CA10: variants seen among roughly 807,000 people sequenced by gnomAD.
The protein encoded by CA10 is carbonic anhydrase 10 (inactive).
Under a neutral mutation model 44.2 loss-of-function variants are expected in CA10, and 14 were observed. The observed-to-expected ratio is 0.32, with a 90% CI of 0.21 to 0.50. The LOEUF (loss-of-function observed/expected upper bound fraction) is 0.50, where lower values mean the gene tolerates loss of function less well. Ranked by LOEUF, CA10 falls within the 20% of genes least tolerant of loss-of-function variation. The pLI is 0.99. For missense variants in CA10, 350 were observed against 409.7 expected (o/e 0.85, Z 1.26); for synonymous variants, 159 against 141.6 (o/e 1.12, Z -0.87).
intron 3 of CA10, among the ~76,000 whole-genome samples, chr17:51,760,796 T>C (rs1905196547): frequency 6.6e-6 from 1 of 152,230 alleles, no homozygotes. Context: ...TTAAATTTTC[T>C]AGTAGCCACA....
intron 3 of CA10, among the ~76,000 whole-genome samples, chr17:51,767,596 G>A (rs952547030): frequency 4.6e-5 from 7 of 152,216 alleles, no homozygotes; most frequent in South Asian, 2.1e-4. Context: ...CTAGGGGTGG[G>A]GGGACAGCTT....
In CA10 at chr17:52,158,250, C is replaced by T. The variant is rs766730022; in HGVS notation, c.-464G>A. 5.7e-5 allele frequency: 12 copies of T among 210,836 alleles called. No homozygotes were observed. Among genetic ancestry groups the T allele is most frequent in the Non-Finnish European group, 9.6e-5 (10 of 103,660 alleles). The allele number at this position is 210,836 out of a possible 1,614,324, so 13.1% of individuals were successfully genotyped here. A position where few individuals can be genotyped will look rare whatever the true frequency, so the allele number is the denominator to read the frequency against. ...GCTGCGCCGTGCAATTCCGGGCTCC[C>T]GGGAGCGCGTAGCTCGCTGGCTAAG... On this transcript the variant is annotated 5_prime_UTR_variant, in exon 1 of 9. Transcript: ENST00000451037.
intron 2 of CA10, among the ~76,000 whole-genome samples, chr17:51,932,202 C>T (rs1429056113): frequency 6.6e-6 from 1 of 152,054 alleles, no homozygotes; most frequent in Admixed American, 6.6e-5. Flanking sequence ...TGAGGGGAAG[C>T]CAATCCTGCC....
intron 1 of CA10, among the ~76,000 whole-genome samples, chr17:52,134,228 A>G (rs1447785650): frequency 3.3e-5 from 5 of 152,164 alleles, no homozygotes; most frequent in Non-Finnish European, 1.5e-5. Context: ...CTAAACCTCA[A>G]CTTCTTCAAG....
chr17:51,972,553 C>T (rs752035187), intron 2 of CA10, among the ~76,000 whole-genome samples: 1 of 151,934 alleles, frequency 6.6e-6, no homozygotes, highest in Non-Finnish European at 1.5e-5. Context: ...AGAGGAGGTC[C>T]ATCCATTAAA....
At position 51,677,485 on chromosome 17, in the gene CA10, T is replaced by C. The variant is rs140826481; in HGVS notation, c.466-23749A>G. ...CAGAAGCAGATGCTGCCATGCTTCC[T>C]GTACAGCCTGCAGAACCATGAACCA... On this transcript the variant is annotated intron_variant, in intron 4 of 8. Coordinates refer to ENST00000451037, the MANE Select transcript of CA10 (RefSeq NM_020178.5). Among the ~76,000 whole-genome samples the C allele has an allele frequency of 2.2e-3, 342 of 152,286 alleles. 9 individuals are homozygous for C. The highest frequency in any genetic ancestry group is 0.017 in the Admixed American group (263 of 15,298).
At chr17:51,640,206 G>A (rs1371494135) in intron 6 of CA10, among the ~76,000 whole-genome samples, 2 of 152,164 alleles carry the variant, frequency 1.3e-5, no homozygotes, top group African/African-American at 2.4e-5. Flanking sequence ...AGTAAACACT[G>A]CTCGAATGAA....
intron 6 of CA10, among the ~76,000 whole-genome samples, chr17:51,648,763 C>A (rs982002552): frequency 1.3e-5 from 2 of 152,160 alleles, no homozygotes; most frequent in African/African-American, 4.8e-5. Context: ...GAGACCCAGC[C>A]ACACACAGAG....
intron 3 of CA10, among the ~76,000 whole-genome samples, chr17:51,765,524 TG>T (rs1368708762): frequency 1.3e-5 from 2 of 152,184 alleles, no homozygotes; most frequent in Non-Finnish European, 2.9e-5. Flanking sequence ...AGATATCCCA[TG>T]GGGTTTGTGT....
intron 1 of CA10, among the ~76,000 whole-genome samples, chr17:52,126,885 C>T (rs1989131552): frequency 6.6e-6 from 1 of 152,138 alleles, no homozygotes; most frequent in South Asian, 2.1e-4. Context: ...TTCTATATTA[C>T]ATTTTGCTAA....
In CA10 at chr17:51,959,254, C is replaced by T. The variant is rs1332224467; in HGVS notation, c.137-28122G>A. ...GCAGAGAAACTGGAAAACTAGGTTCCTATTGTTCTCTCTCTCGCTCTCTCT... is the reference window on the plus strand; with the variant it reads ...GCAGAGAAACTGGAAAACTAGGTTCTTATTGTTCTCTCTCTCGCTCTCTCT... On this transcript the variant is annotated intron_variant, in intron 2 of 8. Coordinates refer to ENST00000451037, the MANE Select transcript of CA10 (RefSeq NM_020178.5). Among the ~76,000 whole-genome samples, 7 of 133,758 alleles carry T rather than the reference C, an allele frequency of 5.2e-5. 1 individual carries two copies. The highest frequency in any genetic ancestry group is 8.0e-5 in the Non-Finnish European group (5 of 62,262). The allele number at this position is 133,758 out of a possible 152,430, so 87.8% of individuals were successfully genotyped here. A position where few individuals can be genotyped will look rare whatever the true frequency, so the allele number is the denominator to read the frequency against.
chr17:51,818,548 A>G (rs1327588610), intron 3 of CA10, among the ~76,000 whole-genome samples: 1 of 152,180 alleles, frequency 6.6e-6, no homozygotes, highest in Non-Finnish European at 1.5e-5. Flanking sequence ...AGCTGAGACT[A>G]GAACTCTGAT....
intron 1 of CA10, among the ~76,000 whole-genome samples, chr17:52,126,386 T>C (rs957849380): frequency 6.6e-6 from 1 of 152,210 alleles, no homozygotes. Flanking sequence ...AGCCAACACA[T>C]GAATTTTAAA....
At chr17:52,109,979 G>A (rs1988755433) in intron 1 of CA10, among the ~76,000 whole-genome samples, 2 of 152,192 alleles carry the variant, frequency 1.3e-5, no homozygotes, top group Non-Finnish European at 2.9e-5. Flanking sequence ...TGCAACAGGT[G>A]TATGAGGAGC....
intron 1 of CA10, among the ~76,000 whole-genome samples, chr17:52,126,447 G>A (rs1989121906): frequency 6.6e-6 from 1 of 152,210 alleles, no homozygotes; most frequent in Admixed American, 6.5e-5. Context: ...ATGTCTGGCT[G>A]ACAGCCTCGG....
At chr17:51,985,159 A>T (rs1446461807) in intron 2 of CA10, among the ~76,000 whole-genome samples, 1 of 151,966 alleles carries the variant, frequency 6.6e-6, no homozygotes, top group African/African-American at 2.4e-5. Context: ...TCAAAAAAAT[A>T]ATCCACCATG....
intron 3 of CA10, among the ~76,000 whole-genome samples, chr17:51,783,461 C>T (rs1056925549): frequency 6.6e-6 from 1 of 152,130 alleles, no homozygotes; most frequent in Non-Finnish European, 1.5e-5. Context: ...CATAAAGAAA[C>T]CAAACCCCAG....
intron 3 of CA10, among the ~76,000 whole-genome samples, chr17:51,917,507 T>TAA (rs1408181582): frequency 6.6e-6 from 1 of 152,184 alleles, no homozygotes; most frequent in Non-Finnish European, 1.5e-5. Flanking sequence ...AAAAGAGGTT[T>TAA]AAGTGGCTTA....
At chr17:51,661,206 T>C (rs1010248031) in intron 4 of CA10, among the ~76,000 whole-genome samples, 5 of 147,524 alleles carry the variant, frequency 3.4e-5, no homozygotes, top group South Asian at 4.5e-4. Context: ...CTATACCTGG[T>C]ACATATTAAC....
Sources: allele counts gnomAD v4.1 joint callset (sites outside exome capture counted in the v4.1 genomes callset), GRCh38; gene constraint gnomAD v4.1.1; transcripts MANE v1.5; gene names NCBI Gene and HGNC (gene_info 2026-07-23, HGNC 2026-07-21).